The following SOCS7 variants were observed in gnomAD, a reference collection of about 807,000 sequenced individuals.
The protein encoded by SOCS7 is suppressor of cytokine signaling 7, also known as NAP-4.
Under a neutral mutation model 58.9 loss-of-function variants are expected in SOCS7, and 18 were observed. That is an observed-to-expected ratio of 0.31 (90% CI 0.21 to 0.45). The LOEUF (loss-of-function observed/expected upper bound fraction) is 0.45. Ranked by LOEUF, SOCS7 falls within the 20% of genes least tolerant of loss-of-function variation. The pLI is 1.00. For synonymous variants in SOCS7, 388 were observed against 364.3 expected (o/e 1.06, Z -0.74); for missense variants, 667 against 837.3 (o/e 0.80, Z 2.51).
chr17:38,381,923 A>G (rs1276206455), intron 7 of SOCS7, among the ~76,000 whole-genome samples: 1 of 133,138 alleles, frequency 7.5e-6, no homozygotes, highest in Non-Finnish European at 1.5e-5. Flanking sequence ...AAGTCATACC[A>G]CTGCACTCCA....
intron 7 of SOCS7, among the ~76,000 whole-genome samples, chr17:38,382,672 A>G (rs889106972): frequency 1.3e-5 from 2 of 151,974 alleles, no homozygotes; most frequent in African/African-American, 4.8e-5. Context: ...TATTTTTAGT[A>G]GAGACGGGGT....
At chr17:38,395,190 A>C in intron 7 of SOCS7, 119 bp from the exon 8 acceptor site, 1 of 995,782 alleles carries the variant, frequency 1.0e-6, no homozygotes, top group Non-Finnish European at 1.5e-6. Context: ...TTTTGCACAG[A>C]ATACATATAT....
chr17:38,393,956 A>T (rs1287365987), intron 7 of SOCS7, among the ~76,000 whole-genome samples: 1 of 152,252 alleles, frequency 6.6e-6, no homozygotes, highest in Non-Finnish European at 1.5e-5. Context: ...ATAATAGTAG[A>T]TATTTTATTT....
At chr17:38,365,670 T>C in intron 4 of SOCS7, 1 of 362,866 alleles carries the variant, frequency 2.8e-6, no homozygotes, top group Non-Finnish European at 4.9e-6. Flanking sequence ...CTGCTGAGAC[T>C]GTTTTGCAAT....
rs754680244 is a variant in SOCS7, at chr17:38,352,861, G to T, written c.809G>T (p.Arg270Leu). 1.3e-6 allele frequency: 2 copies of T among 1,588,802 alleles called. No homozygotes were observed. The highest frequency in any genetic ancestry group is 2.3e-5 in the East Asian group (1 of 43,634). The change falls in exon 1 of 10, where the codon CGG becomes CTG. Residue 270 changes from arginine (R) to leucine (L), a missense_variant. Around this residue, in one of 9 missense-constraint regions of SOCS7, gnomAD observed 208 missense variants for 190.3 expected, o/e 1.09. Coordinates refer to ENST00000612932, the MANE Select transcript of SOCS7 (RefSeq NM_014598.4). This position sits in a 1 kb window ranked among gnomAD's most constrained non-coding sequence, Gnocchi z 5.5. ...GPLRPLAGPS[R>L]KGSFKIRLSR... Reference sequence around the variant, plus strand: ...CTCCGGCCACTCGCGGGTCCTTCTCGGAAGGGCTCCTTCAAAATCCGCCTC... The same window carrying T: ...CTCCGGCCACTCGCGGGTCCTTCTCTGAAGGGCTCCTTCAAAATCCGCCTC...
At position 38,395,386 on chromosome 17, in the gene SOCS7, A is replaced by C. The variant is rs1330591129; in HGVS notation, c.1759A>C (p.Arg587=). The change falls in exon 8 of 10, where the codon AGA becomes CGA. Residue 587 remains arginine (R), a synonymous_variant. Coordinates refer to ENST00000612932, the MANE Select transcript of SOCS7 (RefSeq NM_014598.4). ...TGTCAAATCCCTCCAGCACCTTTGC[A>C]GATTCCGGATACGACAGCTCGTCAG... ...SNVKSLQHLC[R]FRIRQLVRID... 1 of 1,614,170 alleles carries C rather than the reference A, an allele frequency of 6.2e-7. No homozygotes were observed. Among genetic ancestry groups the C allele is most frequent in the Non-Finnish European group, 8.5e-7 (1 of 1,180,014 alleles).
chr17:38,378,212 T>G (rs1489072850), intron 7 of SOCS7, among the ~76,000 whole-genome samples: 2 of 152,042 alleles, frequency 1.3e-5, no homozygotes, highest in East Asian at 3.8e-4. Context: ...GGTAGGAGAA[T>G]GTTTACCAGA....
chr17:38,387,351 G>A (rs965582624), intron 7 of SOCS7, among the ~76,000 whole-genome samples: 3 of 145,488 alleles, frequency 2.1e-5, no homozygotes, highest in Admixed American at 7.1e-5. Flanking sequence ...GGAGGCTGGG[G>A]CAGGAGAATC....
At position 38,379,016 on chromosome 17, in the gene SOCS7, G is replaced by T. The variant is rs546238545; in HGVS notation, c.1681+1174G>T. Among the ~76,000 whole-genome samples, 6 of 151,980 alleles carry T rather than the reference G, an allele frequency of 3.9e-5. No homozygotes were observed. The South Asian group carries it at 6.2e-4, about 16-fold the overall frequency. ...CTACAAAATACACAAAAATTAGCCGGGTGTGATGCCAGGCGTCTGTAGTCC... is the reference window on the plus strand; with the variant it reads ...CTACAAAATACACAAAAATTAGCCGTGTGTGATGCCAGGCGTCTGTAGTCC... On this transcript the variant is annotated intron_variant, in intron 7 of 9. Transcript: ENST00000612932.
At chr17:38,396,339 C>T (rs1026469351) in intron 9 of SOCS7, among the ~76,000 whole-genome samples, 3 of 152,182 alleles carry the variant, frequency 2.0e-5, no homozygotes, top group Non-Finnish European at 4.4e-5. Flanking sequence ...GTGCAGCCTC[C>T]TCTCATACAG....
At chr17:38,355,409 G>A (rs1275408686) in intron 1 of SOCS7, among the ~76,000 whole-genome samples, 6 of 152,244 alleles carry the variant, frequency 3.9e-5, no homozygotes, top group Non-Finnish European at 5.9e-5. Context: ...TGAGCTTTTC[G>A]ACAGCTTACT....
intron 7 of SOCS7, among the ~76,000 whole-genome samples, chr17:38,391,752 A>G (rs769995614): frequency 6.6e-6 from 1 of 152,118 alleles, no homozygotes; most frequent in African/African-American, 2.4e-5. Context: ...AGGATTACAT[A>G]TAAGTCAACT....
rs371006251 is a variant in SOCS7, at chr17:38,389,342, G to A, written c.1682-5967G>A. Reference sequence around the variant, plus strand: ...AGGCCAGGGCAGGAGGATTGCTTGAGCCCAGGAGCTCAAGACCTGCCTGGG... The same window carrying A: ...AGGCCAGGGCAGGAGGATTGCTTGAACCCAGGAGCTCAAGACCTGCCTGGG... On this transcript the variant is annotated intron_variant, in intron 7 of 9. Transcript: ENST00000612932. Among the ~76,000 whole-genome samples, 22 of 152,278 alleles carry A rather than the reference G, an allele frequency of 1.4e-4. No individual in the cohort carries two copies. The South Asian group carries it at 4.3e-3, about 30-fold the overall frequency.
rs1165586168 is a variant in SOCS7, at chr17:38,389,859, A to ATG, written c.1682-5444_1682-5443dup. Among the ~76,000 whole-genome samples the ATG allele has an allele frequency of 9.9e-4, 97 of 98,290 alleles. 8 individuals carry two copies. Among genetic ancestry groups the ATG allele is most frequent in the African/African-American group, 3.7e-3 (74 of 19,856 alleles). 64.5% of individuals were successfully genotyped at this position (98,290 alleles called of 152,430 possible). A position where few individuals can be genotyped will look rare whatever the true frequency, so the allele number is the denominator to read the frequency against. On this transcript the variant is annotated intron_variant, in intron 7 of 9. Transcript: ENST00000612932. ...TTTTTAATTTTTTTGTTTGGTGTGT[A>ATG]TGTGTGTACATATATATATATATGT...
At position 38,377,802 on chromosome 17, in the gene SOCS7, G is replaced by A. The variant is rs1336072305; in HGVS notation, c.1641G>A (p.Lys547=). 6.2e-7 allele frequency: 1 copy of A among 1,613,750 alleles called. No individual in the cohort carries two copies. The highest frequency in any genetic ancestry group is 1.7e-5 in the Admixed American group (1 of 59,976). The change falls in exon 7 of 10, where the codon AAG becomes AAA. Residue 547 remains lysine, a synonymous_variant. Coordinates refer to ENST00000612932, the MANE Select transcript of SOCS7 (RefSeq NM_014598.4). ...EFIKRAIMHS[K]NGKFLYFLRS... Reference sequence around the variant, plus strand: ...TTAAGAGAGCCATTATGCACTCCAAGAATGGAAAGTTTCTCTATTTCTTAA... The same window carrying A: ...TTAAGAGAGCCATTATGCACTCCAAAAATGGAAAGTTTCTCTATTTCTTAA...
chr17:38,374,366 C>T (rs140212535), intron 6 of SOCS7, among the ~76,000 whole-genome samples: 1,894 of 152,262 alleles, frequency 0.012, 17 homozygotes, highest in South Asian at 0.034. Context: ...GGTGAAACCA[C>T]ATTTCCACAA....
At chr17:38,366,915 T>C (rs1490565145) in intron 5 of SOCS7, among the ~76,000 whole-genome samples, 4 of 152,210 alleles carry the variant, frequency 2.6e-5, no homozygotes, top group Non-Finnish European at 5.9e-5. Context: ...GGGAAAAAAT[T>C]TGGACATGAT....
rs1360171881 is a variant in SOCS7 at position 38,380,716 on chromosome 17, A to G, written c.1681+2874A>G. ...TCTACTAAAAATACAAAAATTAGCCAGGCATGGTGGCGGGCACCTGTAGTC... is the reference window on the plus strand; with the variant it reads ...TCTACTAAAAATACAAAAATTAGCCGGGCATGGTGGCGGGCACCTGTAGTC... On this transcript the variant is annotated intron_variant, in intron 7 of 9. Transcript: ENST00000612932. 1.3e-5 allele frequency among the ~76,000 whole-genome samples: 2 copies of G among 151,970 alleles called. 1 individual carries two copies. Among genetic ancestry groups the G allele is most frequent in the East Asian group, 3.9e-4 (2 of 5,176 alleles).
intron 7 of SOCS7, among the ~76,000 whole-genome samples, chr17:38,381,808 C>G (rs1313586723): frequency 6.6e-6 from 1 of 151,572 alleles, no homozygotes; most frequent in African/African-American, 2.4e-5. Flanking sequence ...TACTAAAATA[C>G]AAAAAATTAG....
Sources: gnomAD v4.1 joint callset for allele counts (sites outside exome capture counted in the v4.1 genomes callset) on GRCh38, gnomAD v4.1.1 for gene constraint, gnomAD v4.1.1 regional missense constraint, Gnocchi (gnomAD v3.1) non-coding constraint, MANE v1.5 for transcripts, NCBI Gene and HGNC (gene_info 2026-07-23, HGNC 2026-07-21) for gene names.